VAT1L: variants seen among roughly 807,000 people sequenced by gnomAD.
The protein encoded by VAT1L is putative NADPH-dependent quinone oxidoreductase VAT1L.
VAT1L carries 34 observed loss-of-function variants against 44.1 expected under a neutral mutation model. The ratio of observed to expected loss-of-function variants is 0.77; its 90% CI spans 0.59 to 1.03. The LOEUF (loss-of-function observed/expected upper bound fraction) is 1.03. Ranked by LOEUF, VAT1L falls within the 50% of genes least tolerant of loss-of-function variation. The pLI is 0.00. For synonymous variants in VAT1L, 253 were observed against 202.2 expected (o/e 1.25, Z -2.13); for missense variants, 615 against 538.8 (o/e 1.14, Z -1.40).
intron 3 of VAT1L, among the ~76,000 whole-genome samples, chr16:77,835,967 A>C (rs1228065034): frequency 1.3e-5 from 2 of 152,134 alleles, no homozygotes; most frequent in Non-Finnish European, 2.9e-5. Flanking sequence ...ATGAGCTCTA[A>C]AGTCAGACTC....
At chr16:77,840,119 G>C (rs2016689648) in intron 3 of VAT1L, among the ~76,000 whole-genome samples, 1 of 152,142 alleles carries the variant, frequency 6.6e-6, no homozygotes, top group South Asian at 2.1e-4. Context: ...GGAATCGTTA[G>C]CTCTCCAAGA....
chr16:77,792,358 G>A (rs1293405158), intron 1 of VAT1L, among the ~76,000 whole-genome samples: 1 of 152,130 alleles, frequency 6.6e-6, no homozygotes, highest in African/African-American at 2.4e-5. Context: ...CTAACTGGAT[G>A]TCTTAGGTCT....
At chr16:77,912,018 C>G (rs1188344994) in intron 7 of VAT1L, among the ~76,000 whole-genome samples, 1 of 152,162 alleles carries the variant, frequency 6.6e-6, no homozygotes, top group Non-Finnish European at 1.5e-5. Context: ...TCATCTTGGA[C>G]CCCACAATAT....
At chr16:77,975,297 C>A (rs997482917) in intron 8 of VAT1L, among the ~76,000 whole-genome samples, 8 of 146,394 alleles carry the variant, frequency 5.5e-5, no homozygotes, top group Non-Finnish European at 1.0e-4. Context: ...GCAACCTTCG[C>A]CTTCCGGGTT....
At chr16:77,934,140 G>A (rs2017764935) in intron 7 of VAT1L, among the ~76,000 whole-genome samples, 1 of 152,156 alleles carries the variant, frequency 6.6e-6, no homozygotes, top group Non-Finnish European at 1.5e-5. Context: ...GTTCAAAAGA[G>A]AAGGTGAAAA....
At chr16:77,807,481 A>G (rs558541022) in intron 1 of VAT1L, among the ~76,000 whole-genome samples, 6 of 152,294 alleles carry the variant, frequency 3.9e-5, no homozygotes, top group Admixed American at 3.9e-4. Context: ...GGAACTTTGC[A>G]AGGATGAACT....
chr16:77,960,568 G>C (rs922278814), intron 7 of VAT1L, among the ~76,000 whole-genome samples: 1 of 152,190 alleles, frequency 6.6e-6, no homozygotes, highest in African/African-American at 2.4e-5. Context: ...AGGCAGGAAT[G>C]AAAGGGGAAA....
intron 3 of VAT1L, among the ~76,000 whole-genome samples, chr16:77,856,074 A>G (rs868044786): frequency 6.6e-6 from 1 of 152,206 alleles, no homozygotes; most frequent in African/African-American, 2.4e-5. Context: ...TGACTCAATG[A>G]AGTAACAGAG....
chr16:77,810,653 G>A (rs977708190), intron 1 of VAT1L, among the ~76,000 whole-genome samples: 1 of 152,088 alleles, frequency 6.6e-6, no homozygotes, highest in Non-Finnish European at 1.5e-5. Context: ...CTGGGTGACA[G>A]AGCTAGACTC....
intron 7 of VAT1L, among the ~76,000 whole-genome samples, chr16:77,903,978 C>T (rs939588191): frequency 1.3e-4 from 19 of 151,834 alleles, no homozygotes; most frequent in African/African-American, 3.6e-4. Context: ...CCTTGTGATC[C>T]GCTCGCCTCA....
intron 4 of VAT1L, among the ~76,000 whole-genome samples, chr16:77,875,244 T>C (rs1288846378): frequency 1.3e-5 from 2 of 152,204 alleles, no homozygotes; most frequent in Non-Finnish European, 2.9e-5. Context: ...AAGACTCAGC[T>C]GCATAGGGAA....
intron 7 of VAT1L, among the ~76,000 whole-genome samples, chr16:77,962,172 G>T (rs559796216): frequency 6.6e-4 from 101 of 152,240 alleles, no homozygotes; most frequent in Admixed American, 1.1e-3. Flanking sequence ...GCAAATGGAG[G>T]ATCCCAGCCC....
intron 7 of VAT1L, among the ~76,000 whole-genome samples, chr16:77,970,543 C>G (rs1294819466): frequency 6.6e-6 from 1 of 152,144 alleles, no homozygotes; most frequent in African/African-American, 2.4e-5. Flanking sequence ...TCTTTATCTT[C>G]TTTAACAACC....
chr16:77,880,255 GTA>G lies in VAT1L; in HGVS notation c.882+1032_882+1033del, dbSNP rs1419484334. ...CACTGCAACCTCCACCTCCTGGGCTGTAGCAACCCTCCTGCTTCAGCCTCCCA... is the reference window on the plus strand; with the variant it reads ...CACTGCAACCTCCACCTCCTGGGCTGGCAACCCTCCTGCTTCAGCCTCCCA... On this transcript the variant is annotated intron_variant, in intron 6 of 8. Coordinates refer to ENST00000302536, the MANE Select transcript of VAT1L (RefSeq NM_020927.3). 3.2e-4 allele frequency among the ~76,000 whole-genome samples: 49 copies of G among 152,058 alleles called. 1 individual carries two copies. The South Asian group carries it at 9.1e-3, about 28-fold the overall frequency.
intron 7 of VAT1L, among the ~76,000 whole-genome samples, chr16:77,948,213 C>G (rs963463454): frequency 8.5e-5 from 13 of 152,216 alleles, no homozygotes; most frequent in Non-Finnish European, 1.8e-4. Flanking sequence ...CTTCCCTCTT[C>G]TCCTGGCTTC....
chr16:77,890,526 A>G (rs1026270080), intron 7 of VAT1L, among the ~76,000 whole-genome samples: 1 of 152,158 alleles, frequency 6.6e-6, no homozygotes, highest in Non-Finnish European at 1.5e-5. Context: ...TCACACTTAG[A>G]TACAGCTGTG....
At chr16:77,842,211 T>A (rs1308636193) in intron 3 of VAT1L, among the ~76,000 whole-genome samples, 1 of 152,198 alleles carries the variant, frequency 6.6e-6, no homozygotes, top group Non-Finnish European at 1.5e-5. Flanking sequence ...AAAACCAGTC[T>A]GGTTGCTCTT....
chr16:77,906,617 T>G (rs2017439723), intron 7 of VAT1L, among the ~76,000 whole-genome samples: 1 of 152,212 alleles, frequency 6.6e-6, no homozygotes, highest in Non-Finnish European at 1.5e-5. Flanking sequence ...GACTGGTGTT[T>G]GATCCCAATC....
chr16:77,863,905 G>T (rs1288950308), intron 4 of VAT1L, among the ~76,000 whole-genome samples: 1 of 152,146 alleles, frequency 6.6e-6, no homozygotes, highest in Admixed American at 6.5e-5. Flanking sequence ...GACTAAAATG[G>T]GGCTATGATT....
Sources: gnomAD v4.1 joint callset for allele counts (sites outside exome capture counted in the v4.1 genomes callset) on GRCh38, gnomAD v4.1.1 for gene constraint, MANE v1.5 for transcripts, NCBI Gene and HGNC (gene_info 2026-07-23, HGNC 2026-07-21) for gene names.